TAF1: variants seen among roughly 807,000 people sequenced by gnomAD.
The protein encoded by TAF1 is transcription initiation factor TFIID subunit 1.
TAF1 carries 2 observed loss-of-function variants against 138.5 expected under a neutral mutation model. The ratio of observed to expected loss-of-function variants is 0.01; its 90% CI spans 0.01 to 0.05. TAF1 has a LOEUF of 0.05. TAF1 is among the 10% of genes least tolerant of loss of function. The probability of loss-of-function intolerance (pLI) is 1.00; values close to 1 mark genes in which losing one functional copy is unlikely to be tolerated. For missense variants in TAF1, 709 were observed against 1,478.0 expected (o/e 0.48, Z 8.53); for synonymous variants, 437 against 503.2 (o/e 0.87, Z 1.76).
At chrX:71,444,588 A>C (rs1298354790) in intron 32 of TAF1, among the ~76,000 whole-genome samples, 1 of 110,533 alleles carries the variant, frequency 9.0e-6, no homozygotes, top group Non-Finnish European at 1.9e-5. Context: ...TTGGGTGTGC[A>C]TGCCCGTAGT....
chrX:71,508,326 A>G (rs1296353278), intron 13 of TAF1, among the ~76,000 whole-genome samples: 1 of 110,009 alleles, frequency 9.1e-6, no homozygotes, highest in Non-Finnish European at 1.9e-5. Flanking sequence ...GCGGTGGCTC[A>G]TGCCTGTAAT....
chrX:71,528,289 G>C (rs2040035157), intron 13 of TAF1: 2 of 268,867 alleles, frequency 7.4e-6, no homozygotes, highest in Non-Finnish European at 1.4e-5. Context: ...GGTTTTTTCA[G>C]CTCCTCTGTA....
chrX:71,420,766 G>A (rs1453140173), intron 28 of TAF1, among the ~76,000 whole-genome samples: 6 of 112,909 alleles, frequency 5.3e-5, no homozygotes. Context: ...GGTGGGGGGC[G>A]CAAGGCCAGG....
At chrX:71,434,435 A>G in intron 32 of TAF1, among the ~76,000 whole-genome samples, 1 of 112,183 alleles carries the variant, frequency 8.9e-6, no homozygotes, top group Admixed American at 9.5e-5. Flanking sequence ...TATACTGCAT[A>G]TGAGCATATT....
intron 8 of TAF1, among the ~76,000 whole-genome samples, chrX:71,380,146 A>G (rs1469845757): frequency 9.0e-6 from 1 of 111,030 alleles, no homozygotes; most frequent in African/African-American, 3.3e-5. Context: ...GTGTGTATGT[A>G]GTTGAGCTCA....
chrX:71,395,784 G>A (rs2034813067), intron 22 of TAF1, among the ~76,000 whole-genome samples: 1 of 111,256 alleles, frequency 9.0e-6, no homozygotes, highest in African/African-American at 3.3e-5. Context: ...TTCTAGTATA[G>A]TCCTGGAACA....
At chrX:71,382,484 A>G in intron 9 of TAF1, 52 bp from the exon 10 acceptor site, 1 of 1,183,632 alleles carries the variant, frequency 8.4e-7, no homozygotes, top group South Asian at 1.9e-5. Flanking sequence ...TGTCTGTAGG[A>G]AAGGTGAATC....
chrX:71,459,325 G>A, intron 35 of TAF1: 2 of 1,064,746 alleles, frequency 1.9e-6, no homozygotes, highest in Non-Finnish European at 2.5e-6. Context: ...TACAGGCCAG[G>A]CCAAATCCTA....
downstream of TAF1, among the ~76,000 whole-genome samples, chrX:71,467,633 T>G (rs1030224687): frequency 1.8e-5 from 2 of 112,050 alleles, no homozygotes; most frequent in Middle Eastern, 4.2e-3. Context: ...TCAAAAAGAA[T>G]AAATATTGGC....
intron 25 of TAF1, 57 bp downstream of exon 25, chrX:71,401,796 TTGG>T (rs1386083943): frequency 9.1e-6 from 10 of 1,103,524 alleles, no homozygotes; most frequent in Non-Finnish European, 1.1e-5. Flanking sequence ...GTTGGTTATA[TTGG>T]TGGCTGGCAG....
chrX:71,500,166 G>A (rs995725831), intron 13 of TAF1, among the ~76,000 whole-genome samples: 1 of 111,383 alleles, frequency 9.0e-6, no homozygotes, highest in East Asian at 2.8e-4. Flanking sequence ...GAGGTAAGCT[G>A]AGAGGTCCTC....
In TAF1 at chrX:71,450,648, G is replaced by A. The variant is rs561931439; in HGVS notation, c.4754-3522G>A. On this transcript the variant is annotated intron_variant, in intron 32 of 37. Coordinates refer to ENST00000423759, the MANE Select transcript of TAF1 (RefSeq NM_004606.5). The stretch of plus-strand genomic sequence containing the variant: ...TTCTTTGTGCCACTATTTTTCCATT[G>A]CATTGTATTGCCCTATTTGTTTACA... 2.1e-4 allele frequency among the ~76,000 whole-genome samples: 24 copies of A among 111,851 alleles called. 1 individual carries two copies. The highest frequency in any genetic ancestry group is 7.8e-4 in the African/African-American group (24 of 30,811).
intron 13 of TAF1, among the ~76,000 whole-genome samples, chrX:71,471,344 TATACACACACAC>T (rs2038883672): frequency 9.9e-6 from 1 of 101,389 alleles, no homozygotes; most frequent in South Asian, 4.3e-4. Context: ...TATATATATA[TATACACACACAC>T]ACACACACAC....
At chrX:71,460,566 G>T (rs2038506625) in intron 36 of TAF1, 60 bp from the exon 37 acceptor site, 1 of 1,172,080 alleles carries the variant, frequency 8.5e-7, no homozygotes, top group Non-Finnish European at 1.1e-6. Flanking sequence ...TCAAGCCAAA[G>T]ATCAAGTTAA....
chrX:71,374,979 G>A (rs1321870664), intron 3 of TAF1, among the ~76,000 whole-genome samples, 188 bp from the exon 4 acceptor site: 3 of 108,206 alleles, frequency 2.8e-5, no homozygotes, highest in African/African-American at 1.0e-4. Context: ...CAGCTACTCA[G>A]GAGGCTGAGG....
At chrX:71,497,313 T>G (rs1221362923) in intron 13 of TAF1, among the ~76,000 whole-genome samples, 1 of 111,821 alleles carries the variant, frequency 8.9e-6, no homozygotes, top group Non-Finnish European at 1.9e-5. Flanking sequence ...GGGAGAAAAG[T>G]GGCAGGGTTT....
chrX:71,508,806 C>G (rs1190062092), intron 13 of TAF1, among the ~76,000 whole-genome samples: 1 of 105,056 alleles, frequency 9.5e-6, no homozygotes, highest in Non-Finnish European at 1.9e-5. Context: ...TCCATCTTAT[C>G]TTGAATTTTT....
chrX:71,379,104 G>GTTTTTTT, intron 8 of TAF1, 73 bp downstream of exon 8: 5 of 372,380 alleles, frequency 1.3e-5, no homozygotes, highest in African/African-American at 8.7e-5. Flanking sequence ...GCTCAGCTGT[G>GTTTTTTT]ATTTTTTTTT....
At chrX:71,489,137 T>G (rs750008581) in intron 13 of TAF1, among the ~76,000 whole-genome samples, 6 of 110,265 alleles carry the variant, frequency 5.4e-5, no homozygotes, top group African/African-American at 1.6e-4. Flanking sequence ...CACTATCATA[T>G]GCCGCCTGAT....
Sources: gnomAD v4.1 joint callset for allele counts (sites outside exome capture counted in the v4.1 genomes callset) on GRCh38, gnomAD v4.1.1 for gene constraint, MANE v1.5 for transcripts, NCBI Gene and HGNC (gene_info 2026-07-23, HGNC 2026-07-21) for gene names.